UGT2A1: variants seen among roughly 807,000 people sequenced by gnomAD.
The protein encoded by UGT2A1 is UDP-glucuronosyltransferase 2A1.
In UGT2A1, 61 loss-of-function variants were observed where a neutral mutation model predicts 45.4. That is an observed-to-expected ratio of 1.34 (90% confidence interval 1.09 to 1.66). The LOEUF (loss-of-function observed/expected upper bound fraction) is 1.66. Among genes scored for constraint, UGT2A1 ranks in the 40% most tolerant of loss-of-function variants. UGT2A1 has a pLI of 0.00. For missense variants in UGT2A1, 649 were observed against 574.3 expected, an observed-to-expected ratio of 1.13 and a Z score of -1.33; for synonymous variants, 229 against 196.2, an observed-to-expected ratio of 1.17 and a Z score of -1.40.
At chr4:69,622,926 T>G (rs1720834199) in intron 3 of UGT2A1, among the ~76,000 whole-genome samples, 1 of 151,864 alleles carries the variant, frequency 6.6e-6, no homozygotes, top group African/African-American at 2.4e-5. Flanking sequence ...AATTAGGTCT[T>G]GGCTATAATT....
chr4:69,639,472 G>T (rs753572159), intron 2 of UGT2A1: 1 of 1,613,048 alleles, frequency 6.2e-7, no homozygotes, highest in East Asian at 2.2e-5. Context: ...GTCACATTGT[G>T]ATTTCTTTGA....
intron 3 of UGT2A1, among the ~76,000 whole-genome samples, chr4:69,616,852 A>C (rs1443786201): frequency 2.1e-5 from 1 of 46,732 alleles, no homozygotes; most frequent in Non-Finnish European, 4.6e-5. Flanking sequence ...TTTTTTTTTG[A>C]ATAGTGGTTT....
rs76000453 is a variant in UGT2A1 at position 69,595,235 on chromosome 4, G to T, written c.1011C>A (p.Tyr337Ter). The change falls in exon 5 of 7, where the codon TAC (tyrosine) becomes TAA (stop). Residue 337 changes from tyrosine (Y) to a stop codon, truncating the protein, a stop_gained. Coordinates refer to ENST00000286604, the MANE Select transcript of UGT2A1 (RefSeq NM_001252275.3). LOFTEE classifies it high-confidence loss of function. Reference sequence around the variant, plus strand: ...CTAATGTGGCTGGTTTCTTTCCTTTGTATCTCCATAAAACCTGTGGAAAAT... The same window carrying T: ...CTAATGTGGCTGGTTTCTTTCCTTTTTATCTCCATAAAACCTGTGGAAAAT... ...AKPLPKVLWRYKGKKPATLGN... is the reference protein window; with the variant it reads ...AKPLPKVLWR 11 of 1,613,588 alleles carry T rather than the reference G, an allele frequency of 6.8e-6. No homozygotes were observed. Among genetic ancestry groups the T allele is most frequent in the Non-Finnish European group, 8.5e-6 (10 of 1,179,804 alleles).
intron 3 of UGT2A1, among the ~76,000 whole-genome samples, chr4:69,629,735 G>A (rs1376656986): frequency 5.3e-5 from 8 of 151,948 alleles, no homozygotes. Context: ...TCTTTTCTGG[G>A]CTACCCTTCA....
intron 3 of UGT2A1, among the ~76,000 whole-genome samples, chr4:69,607,528 A>G (rs2109908641): frequency 6.6e-6 from 1 of 151,936 alleles, no homozygotes; most frequent in South Asian, 2.1e-4. Context: ...TCATGTCTAA[A>G]ACACCAAAAG....
chr4:69,591,767 A>G (rs933866789), intron 6 of UGT2A1, among the ~76,000 whole-genome samples: 8 of 152,112 alleles, frequency 5.3e-5, no homozygotes, highest in African/African-American at 1.9e-4. Context: ...CATTTTAAGC[A>G]TTAGAGTTAA....
chr4:69,618,205 G>GTGTGTGTT (rs1553905689), intron 3 of UGT2A1, among the ~76,000 whole-genome samples: 1 of 87,894 alleles, frequency 1.1e-5, no homozygotes, highest in Non-Finnish European at 2.2e-5. Context: ...GTGTGTGTGT[G>GTGTGTGTT]TGTGTGTGTG....
At chr4:69,605,908 C>T (rs1422279917) in intron 3 of UGT2A1, among the ~76,000 whole-genome samples, 2 of 136,480 alleles carry the variant, frequency 1.5e-5, no homozygotes, top group Non-Finnish European at 3.1e-5. Context: ...CAATAACAGG[C>T]TCTGAAATTG....
chr4:69,618,203 G>GTGTGTGTGTGTGTGTA, intron 3 of UGT2A1, among the ~76,000 whole-genome samples: 1 of 92,300 alleles, frequency 1.1e-5, no homozygotes, highest in South Asian at 4.4e-4. Flanking sequence ...GTGTGTGTGT[G>GTGTGTGTGTGTGTGTA]TGTGTGTGTG....
intron 3 of UGT2A1, among the ~76,000 whole-genome samples, chr4:69,635,371 C>T (rs1291778680): frequency 2.0e-5 from 3 of 152,144 alleles, no homozygotes; most frequent in Admixed American, 1.3e-4. Flanking sequence ...AAGACACATG[C>T]AAAATGGAGC....
At chr4:69,636,396 A>T (rs111739866) in intron 2 of UGT2A1, among the ~76,000 whole-genome samples, 1 of 152,174 alleles carries the variant, frequency 6.6e-6, no homozygotes, top group Admixed American at 6.5e-5. Context: ...TCTTCACAGT[A>T]TACCTTAATT....
chr4:69,599,206 A>C (rs1407223085), intron 4 of UGT2A1, 40 bp downstream of exon 4: 2 of 1,570,638 alleles, frequency 1.3e-6, no homozygotes, highest in East Asian at 4.6e-5. Flanking sequence ...TAAGTATTTT[A>C]TTATGAAGAG....
At chr4:69,607,915 A>G (rs1048802653) in intron 3 of UGT2A1, among the ~76,000 whole-genome samples, 3 of 152,168 alleles carry the variant, frequency 2.0e-5, no homozygotes, top group African/African-American at 7.2e-5. Context: ...AAAAGTCAGG[A>G]AACAACAGGT....
At position 69,600,829 on chromosome 4, in the gene UGT2A1, G is replaced by A. The variant is rs867310001; in HGVS notation, c.848-1435C>T. ...ACACTTAAAAAAAAAAACAGATCTC[G>A]TGATAACTCACTCACTATCACAAGA... On this transcript the variant is annotated intron_variant, in intron 3 of 6. Coordinates refer to ENST00000286604, the MANE Select transcript of UGT2A1 (RefSeq NM_001252275.3). Among the ~76,000 whole-genome samples the A allele has an allele frequency of 3.3e-5, 5 of 151,284 alleles. No individual in the cohort carries two copies. In the East Asian group the frequency reaches 7.8e-4, roughly 24 times the overall value.
rs888276547 is a variant in UGT2A1 at position 69,650,701 on chromosome 4, G to C, written c.-55+2487C>G. ...TATTAAGCAACAAGTATATTACCTGGAGTAAAAGTGACGTTTAAAAATATA... is the reference window on the plus strand; with the variant it reads ...TATTAAGCAACAAGTATATTACCTGCAGTAAAAGTGACGTTTAAAAATATA... On this transcript the variant is annotated intron_variant, in intron 1 of 6. Transcript: ENST00000286604. Among the ~76,000 whole-genome samples the C allele has an allele frequency of 2.0e-4, 31 of 151,942 alleles. 1 individual carries two copies. Among genetic ancestry groups the C allele is most frequent in the Admixed American group, 7.9e-4 (12 of 15,248 alleles).
intron 2 of UGT2A1, among the ~76,000 whole-genome samples, chr4:69,645,073 A>T (rs184330259): frequency 2.1e-4 from 32 of 151,708 alleles, no homozygotes; most frequent in Non-Finnish European, 4.1e-4. Context: ...ATGTTCATTC[A>T]TTAGCTAGTA....
Position 69,588,761 on chromosome 4 carries a change from G to A in UGT2A1, c.*611C>T, listed in dbSNP as rs76814701. 7.2e-5 allele frequency: 11 copies of A among 152,094 alleles called. No individual in the cohort carries two copies. Among genetic ancestry groups the A allele is most frequent in the South Asian group, 2.1e-4 (1 of 4,820 alleles). 9.4% of individuals were successfully genotyped at this position (152,094 alleles called of 1,614,324 possible). A position where few individuals can be genotyped will look rare whatever the true frequency, so the allele number is the denominator to read the frequency against. ...TGAAGAAAGGCAGGCAAGTTATGCC[G>A]TGATTTTCTAGATATGCTTAATGAA... On this transcript the variant is annotated 3_prime_UTR_variant, in exon 7 of 7. Transcript: ENST00000286604.
At chr4:69,621,180 C>A (rs1313238921) in intron 3 of UGT2A1, among the ~76,000 whole-genome samples, 2 of 151,954 alleles carry the variant, frequency 1.3e-5, no homozygotes, top group Non-Finnish European at 2.9e-5. Flanking sequence ...AGCTTCTGCA[C>A]AGCAAAATAA....
At chr4:69,623,556 T>C (rs186679459) in intron 3 of UGT2A1, among the ~76,000 whole-genome samples, 1 of 151,282 alleles carries the variant, frequency 6.6e-6, no homozygotes, top group East Asian at 1.9e-4. Flanking sequence ...TATAAAATAA[T>C]ATTTTACATT....
Sources: gnomAD v4.1 joint callset for allele counts (sites outside exome capture counted in the v4.1 genomes callset) on GRCh38, gnomAD v4.1.1 for gene constraint, MANE v1.5 for transcripts, NCBI Gene and HGNC (gene_info 2026-07-23, HGNC 2026-07-21) for gene names.